The following TRDMT1 variants were observed in gnomAD, a reference collection of about 807,000 sequenced individuals.
The protein encoded by TRDMT1 is tRNA (cytosine(38)-C(5))-methyltransferase.
In TRDMT1, 49 loss-of-function variants were observed where a neutral mutation model predicts 51.2. The observed-to-expected ratio is 0.96, with a 90% CI of 0.76 to 1.21. TRDMT1 has a LOEUF of 1.21. Among genes scored for constraint, TRDMT1 ranks in the 50% most tolerant of loss-of-function variants. The probability of loss-of-function intolerance (pLI) is 0.00; values close to 1 mark genes in which losing one functional copy is unlikely to be tolerated. For missense variants in TRDMT1, 534 were observed against 462.3 expected (o/e 1.16, Z -1.42); for synonymous variants, 187 against 164.6 (o/e 1.14, Z -1.04).
intron 2 of TRDMT1, among the ~76,000 whole-genome samples, chr10:17,169,811 G>C (rs1169998141): frequency 6.6e-6 from 1 of 152,142 alleles, no homozygotes; most frequent in Non-Finnish European, 1.5e-5. Context: ...ATCAGTTTTT[G>C]ATCATAGGAT....
chr10:17,169,352 C>A, intron 2 of TRDMT1: 1 of 1,214,968 alleles, frequency 8.2e-7, no homozygotes, highest in South Asian at 1.5e-5. Flanking sequence ...ATATGCAGAC[C>A]AGTCACCATC....
chr10:17,189,330 C>T (rs1028987537), intron 1 of TRDMT1, among the ~76,000 whole-genome samples: 10 of 151,952 alleles, frequency 6.6e-5, no homozygotes, highest in African/African-American at 1.2e-4. Flanking sequence ...GTCTTCATAG[C>T]GAAAAACCCT....
intron 8 of TRDMT1, among the ~76,000 whole-genome samples, chr10:17,157,076 T>TTA (rs1216880476): frequency 6.6e-6 from 1 of 152,222 alleles, no homozygotes; most frequent in African/African-American, 2.4e-5. Context: ...TAATTTCTTA[T>TTA]TATACATTGA....
At position 17,194,022 on chromosome 10, in the gene TRDMT1, C is replaced by T. The variant is rs117393484; in HGVS notation, c.64+7549G>A. ...AATAAAGGCACACACCTACAGTCAT[C>T]TGATCTTCAACAAAGTAGACAAAAA... On this transcript the variant is annotated intron_variant, in intron 1 of 10. Coordinates refer to ENST00000377799, the MANE Select transcript of TRDMT1 (RefSeq NM_004412.7). 1.5e-3 allele frequency among the ~76,000 whole-genome samples: 230 copies of T among 152,288 alleles called. 1 individual carries two copies. In the East Asian group the frequency reaches 0.037, roughly 25 times the overall value.
chr10:17,169,439 T>C, intron 2 of TRDMT1: 1 of 1,289,376 alleles, frequency 7.8e-7, no homozygotes, highest in Non-Finnish European at 1.0e-6. Context: ...TATTTTGTTT[T>C]GCAGTTGTGT....
At chr10:17,177,924 GA>G (rs1195469001) in intron 1 of TRDMT1, among the ~76,000 whole-genome samples, 3 of 151,916 alleles carry the variant, frequency 2.0e-5, no homozygotes, top group South Asian at 2.1e-4. Context: ...ATTAATGTGG[GA>G]AAAAAATCAA....
intron 2 of TRDMT1, chr10:17,171,872 G>A (rs775892004): frequency 6.3e-6 from 1 of 157,966 alleles, no homozygotes; most frequent in Non-Finnish European, 1.5e-5. Flanking sequence ...GCTCATGGAT[G>A]TTATATTGTA....
At chr10:17,159,092 T>C (rs566088556) in intron 7 of TRDMT1, 54 bp downstream of exon 7, 63 of 1,183,684 alleles carry the variant, frequency 5.3e-5, no homozygotes, top group Admixed American at 3.6e-4. Context: ...CAGACTAATA[T>C]ATATTTATAA....
intron 10 of TRDMT1, chr10:17,151,175 G>C: frequency 1.3e-6 from 1 of 787,804 alleles, no homozygotes; most frequent in Non-Finnish European, 1.5e-6. Flanking sequence ...GCCACTGAAA[G>C]TGATGGCAAA....
intron 2 of TRDMT1, among the ~76,000 whole-genome samples, chr10:17,169,960 G>A (rs1841746322): frequency 6.6e-6 from 1 of 152,102 alleles, no homozygotes; most frequent in Non-Finnish European, 1.5e-5. Context: ...GAACACACGG[G>A]GCAGGGTATT....
chr10:17,142,971 C>T lies in TRDMT1; in HGVS notation c.*6069G>A, dbSNP rs900306724. 120 of 983,916 alleles carry T rather than the reference C, an allele frequency of 1.2e-4. No individual in the cohort carries two copies. The highest frequency in any genetic ancestry group is 1.4e-4 in the Non-Finnish European group (118 of 828,734). The allele number at this position is 983,916 out of a possible 1,614,324, so 60.9% of individuals were successfully genotyped here. ...TAAATCTACACTCTCTTGTCAAGACCAGAAGTCAGAATACAGTATTTTAAA... is the reference window on the plus strand; with the variant it reads ...TAAATCTACACTCTCTTGTCAAGACTAGAAGTCAGAATACAGTATTTTAAA... On this transcript the variant is annotated 3_prime_UTR_variant, in exon 11 of 11. Transcript: ENST00000377799.
intron 1 of TRDMT1, among the ~76,000 whole-genome samples, chr10:17,198,257 G>A (rs891436476): frequency 6.6e-6 from 1 of 152,154 alleles, no homozygotes. Context: ...TTCCTCAAGA[G>A]TTACACAGTA....
At chr10:17,160,480 G>GTT (rs199556316) in intron 5 of TRDMT1, 106 bp from the exon 6 acceptor site, 12 of 759,750 alleles carry the variant, frequency 1.6e-5, no homozygotes, top group Middle Eastern at 4.5e-4. Flanking sequence ...TTGTTTTTTT[G>GTT]GTTTTTTTTG....
intron 1 of TRDMT1, among the ~76,000 whole-genome samples, chr10:17,177,663 T>C (rs1842773083): frequency 6.6e-6 from 1 of 151,862 alleles, no homozygotes; most frequent in Non-Finnish European, 1.5e-5. Context: ...TCACTGAGGA[T>C]ACATACATAA....
chr10:17,159,547 A>C (rs12355391), intron 6 of TRDMT1, among the ~76,000 whole-genome samples: 49,190 of 152,036 alleles, frequency 0.32, 9,745 homozygotes, highest in South Asian at 0.5. Context: ...TATATTAATA[A>C]TTTAAAAATT....
chr10:17,177,666 A>G (rs1842773308), intron 1 of TRDMT1, among the ~76,000 whole-genome samples: 1 of 151,998 alleles, frequency 6.6e-6, no homozygotes, highest in South Asian at 2.1e-4. Context: ...CTGAGGATAC[A>G]TACATAATTC....
intron 9 of TRDMT1, 46 bp from the exon 10 acceptor site, chr10:17,153,682 G>A (rs192075678): frequency 4.0e-6 from 6 of 1,516,408 alleles, no homozygotes; most frequent in Admixed American, 4.3e-5. Flanking sequence ...TGTGCAACTA[G>A]ATTTAAGATC....
At chr10:17,189,626 G>A (rs562306872) in intron 1 of TRDMT1, among the ~76,000 whole-genome samples, 45 of 152,224 alleles carry the variant, frequency 3.0e-4, no homozygotes, top group Non-Finnish European at 5.6e-4. Flanking sequence ...CATCCATTCT[G>A]AAGAAGCAGA....
rs777734679 is a variant in TRDMT1 at position 17,168,880 on chromosome 10, T to C, written c.212A>G (p.Asp71Gly). ...TLEEFDRLSF[D>G]MILMSPPCQP... Reference sequence around the variant, plus strand: ...GCAGGGAGGGCTCATTAAAATCATATCAAAAGATAATCTGTCAAACTCTTC... The same window carrying C: ...GCAGGGAGGGCTCATTAAAATCATACCAAAAGATAATCTGTCAAACTCTTC... Residue 71 changes from aspartate (D) to glycine (G), a missense_variant, in exon 3 of 11, where the codon GAT (aspartate) becomes GGT (glycine). Asp to Gly is a moderately conservative substitution (Grantham distance 94). Coordinates refer to ENST00000377799, the MANE Select transcript of TRDMT1 (RefSeq NM_004412.7). 25 of 1,612,602 alleles carry C rather than the reference T, an allele frequency of 1.6e-5. No homozygotes were observed. Among genetic ancestry groups the C allele is most frequent in the African/African-American group, 2.7e-5 (2 of 74,766 alleles).
Sources: gnomAD v4.1 joint callset for allele counts (sites outside exome capture counted in the v4.1 genomes callset) on GRCh38, gnomAD v4.1.1 for gene constraint, MANE v1.5 for transcripts, NCBI Gene and HGNC (gene_info 2026-07-23, HGNC 2026-07-21) for gene names.